The following DTD1 variants were observed in gnomAD, a reference collection of about 807,000 sequenced individuals.
DTD1 encodes the protein D-aminoacyl-tRNA deacylase 1.
Under a neutral mutation model 25.6 loss-of-function variants are expected in DTD1, and 13 were observed. That is an observed-to-expected ratio of 0.51 (90% CI 0.33 to 0.81). The LOEUF (loss-of-function observed/expected upper bound fraction) is 0.81, where lower values mean the gene tolerates loss of function less well. Ranked by LOEUF, DTD1 falls within the 30% of genes least tolerant of loss-of-function variation. The pLI, the probability that DTD1 is intolerant of heterozygous loss-of-function variation, is 0.02. For missense variants in DTD1, 193 were observed against 266.4 expected (o/e 0.72, Z 1.92); for synonymous variants, 110 against 103.6 (o/e 1.06, Z -0.37).
At chr20:18,688,887 G>T (rs187398248) in intron 4 of DTD1, among the ~76,000 whole-genome samples, 1 of 152,042 alleles carries the variant, frequency 6.6e-6, no homozygotes, top group African/African-American at 2.4e-5. Context: ...GGTGGCCTGT[G>T]GGGGGTGGGG....
intron 4 of DTD1, among the ~76,000 whole-genome samples, chr20:18,649,781 G>A (rs564561949): frequency 4.4e-4 from 67 of 152,276 alleles, no homozygotes; most frequent in African/African-American, 1.5e-3. Context: ...CCCACCCAGC[G>A]CGGTGCTCAT....
At chr20:18,740,046 G>C (rs928090832) in intron 4 of DTD1, among the ~76,000 whole-genome samples, 3 of 151,992 alleles carry the variant, frequency 2.0e-5, no homozygotes, top group African/African-American at 7.3e-5. Context: ...TGGAGGGGAA[G>C]GTCAGATGGA....
chr20:18,669,759 C>T (rs187804338), intron 4 of DTD1, among the ~76,000 whole-genome samples: 68 of 152,260 alleles, frequency 4.5e-4, no homozygotes, highest in African/African-American at 1.5e-3. Context: ...TCCAATCGCT[C>T]CCGGGGGGGT....
At chr20:18,672,444 TCA>T (rs1214123607) in intron 4 of DTD1, among the ~76,000 whole-genome samples, 1 of 152,108 alleles carries the variant, frequency 6.6e-6, no homozygotes, top group East Asian at 1.9e-4. Flanking sequence ...ATAGCTTTTT[TCA>T]GTTTTTTTTT....
At chr20:18,711,960 A>G (rs1568678210) in intron 4 of DTD1, among the ~76,000 whole-genome samples, 2 of 151,806 alleles carry the variant, frequency 1.3e-5, no homozygotes, top group Admixed American at 6.6e-5. Context: ...TCCCAGCTAC[A>G]TGGGAGGCTG....
chr20:18,701,397 T>A (rs1007933821), intron 4 of DTD1, among the ~76,000 whole-genome samples: 1 of 152,258 alleles, frequency 6.6e-6, no homozygotes, highest in Non-Finnish European at 1.5e-5. Flanking sequence ...TTAAGTAGGG[T>A]AGTTCCTAAT....
chr20:18,640,440 T>G (rs909709653), intron 4 of DTD1, among the ~76,000 whole-genome samples: 1 of 152,166 alleles, frequency 6.6e-6, no homozygotes, highest in African/African-American at 2.4e-5. Flanking sequence ...TTCTATGTAT[T>G]TACTTCCAGA....
chr20:18,761,863 G>T (rs1291913478), intron 5 of DTD1, among the ~76,000 whole-genome samples: 1 of 152,196 alleles, frequency 6.6e-6, no homozygotes, highest in Non-Finnish European at 1.5e-5. Context: ...CAAATGGGTT[G>T]TTTCTAATAG....
At chr20:18,606,330 G>A (rs2060657658) in intron 3 of DTD1, among the ~76,000 whole-genome samples, 1 of 131,014 alleles carries the variant, frequency 7.6e-6, no homozygotes, top group African/African-American at 2.8e-5. Context: ...ACTGTTGGTG[G>A]GAGTGTAAAC....
chr20:18,660,202 G>A (rs113326306), intron 4 of DTD1, among the ~76,000 whole-genome samples: 4 of 152,060 alleles, frequency 2.6e-5, no homozygotes, highest in African/African-American at 9.6e-5. Context: ...GCGAGACTCC[G>A]TCTCAAAAAA....
intron 4 of DTD1, among the ~76,000 whole-genome samples, chr20:18,730,366 T>C (rs1162292021): frequency 2.0e-5 from 3 of 152,232 alleles, no homozygotes; most frequent in Non-Finnish European, 4.4e-5. Context: ...TACTTAGTGC[T>C]TTAAAATATG....
chr20:18,717,645 T>C (rs1013371348), intron 4 of DTD1, among the ~76,000 whole-genome samples: 1 of 152,226 alleles, frequency 6.6e-6, no homozygotes, highest in East Asian at 1.9e-4. Flanking sequence ...TAGTGGATTC[T>C]CACAATTCAA....
At chr20:18,743,418 G>C (rs1165397494) in intron 4 of DTD1, among the ~76,000 whole-genome samples, 1 of 152,178 alleles carries the variant, frequency 6.6e-6, no homozygotes, top group African/African-American at 2.4e-5. Flanking sequence ...ACGTGGTGTG[G>C]CATGGTGGCT....
intron 4 of DTD1, among the ~76,000 whole-genome samples, chr20:18,655,390 T>C (rs2060887887): frequency 2.0e-5 from 3 of 152,370 alleles, no homozygotes; most frequent in South Asian, 4.1e-4. Context: ...CTTCTTTTAG[T>C]GAGAGTGATA....
chr20:18,679,568 G>C (rs1276209260), intron 4 of DTD1, among the ~76,000 whole-genome samples: 13 of 152,286 alleles, frequency 8.5e-5, no homozygotes. Context: ...ATAAACTGCT[G>C]TTGAGAACTG....
At chr20:18,704,221 C>T (rs929023517) in intron 4 of DTD1, among the ~76,000 whole-genome samples, 4 of 152,018 alleles carry the variant, frequency 2.6e-5, no homozygotes, top group Admixed American at 6.6e-5. Context: ...AGGATGGTCT[C>T]GATCTCCTGA....
At chr20:18,682,304 G>A (rs1160777374) in intron 4 of DTD1, among the ~76,000 whole-genome samples, 1 of 152,212 alleles carries the variant, frequency 6.6e-6, no homozygotes, top group East Asian at 1.9e-4. Flanking sequence ...GTGTGACCAT[G>A]TGATGAGAGA....
chr20:18,623,188 C>T (rs1177616363), intron 3 of DTD1, among the ~76,000 whole-genome samples: 2 of 152,094 alleles, frequency 1.3e-5, no homozygotes, highest in Non-Finnish European at 2.9e-5. Context: ...ATCCGCCCGC[C>T]TCAGCCTCTC....
chr20:18,679,809 G>A (rs1454027476), intron 4 of DTD1, among the ~76,000 whole-genome samples: 1 of 152,152 alleles, frequency 6.6e-6, no homozygotes, highest in African/African-American at 2.4e-5. Context: ...CCTTGCTCAG[G>A]AGAGATGCCA....
Sources: gnomAD v4.1 joint callset for allele counts (sites outside exome capture counted in the v4.1 genomes callset) on GRCh38, gnomAD v4.1.1 for gene constraint, MANE v1.5 for transcripts, NCBI Gene and HGNC (gene_info 2026-07-23, HGNC 2026-07-21) for gene names.